Variants in SEMA6D observed in about 807,000 individuals in gnomAD.
SEMA6D encodes the protein semaphorin 6D.
A neutral mutation model predicts 106.6 loss-of-function variants in SEMA6D; 35 were observed. The observed-to-expected ratio is 0.33, with a 90% CI of 0.25 to 0.44. The LOEUF is 0.44. SEMA6D is among the 20% of genes least tolerant of loss of function. SEMA6D has a pLI of 1.00. For synonymous variants in SEMA6D, 499 were observed against 487.7 expected, an observed-to-expected ratio of 1.02 and a Z score of -0.31; for missense variants, 1,185 against 1,345.9, an observed-to-expected ratio of 0.88 and a Z score of 1.87.
At chr15:47,349,377 C>T (rs528900535) in intron 1 of SEMA6D, among the ~76,000 whole-genome samples, 3 of 152,158 alleles carry the variant, frequency 2.0e-5, no homozygotes, top group African/African-American at 7.2e-5. Flanking sequence ...GTTCGTCCTT[C>T]ATGACTCTAC....
chr15:47,333,623 T>C (rs1020307945), intron 1 of SEMA6D, among the ~76,000 whole-genome samples: 6 of 152,142 alleles, frequency 3.9e-5, no homozygotes, highest in African/African-American at 1.4e-4. Context: ...ACTCAGTCAG[T>C]CAGCAAAGAT....
chr15:47,198,125 G>A (rs1354031852), intron 1 of SEMA6D, among the ~76,000 whole-genome samples: 1 of 152,072 alleles, frequency 6.6e-6, no homozygotes, highest in African/African-American at 2.4e-5. Context: ...CTCACACGTG[G>A]AATGTAAAAA....
chr15:47,291,242 C>T (rs7170315), intron 1 of SEMA6D, among the ~76,000 whole-genome samples: 63,136 of 152,112 alleles, frequency 0.42, 16,147 homozygotes, highest in Non-Finnish European at 0.57. Context: ...AAAAAGGTCT[C>T]CTTTTCAATA....
chr15:47,622,393 C>T (rs1028129797), intron 4 of SEMA6D, among the ~76,000 whole-genome samples: 2 of 152,086 alleles, frequency 1.3e-5, no homozygotes, highest in Admixed American at 1.3e-4. Context: ...AGCATGGAAC[C>T]GGAGTATGCT....
intron 2 of SEMA6D, among the ~76,000 whole-genome samples, chr15:47,418,359 C>T (rs116591771): frequency 6.6e-6 from 1 of 152,110 alleles, no homozygotes; most frequent in Non-Finnish European, 1.5e-5. Flanking sequence ...TGCTGCTATA[C>T]TGGGTGGCTT....
intron 4 of SEMA6D, among the ~76,000 whole-genome samples, chr15:47,687,921 G>T (rs1032609949): frequency 3.9e-5 from 6 of 152,090 alleles, no homozygotes; most frequent in African/African-American, 1.4e-4. Flanking sequence ...GAAAATAAGG[G>T]CTAAAATTTA....
At chr15:47,466,619 G>A (rs2042667398) in intron 2 of SEMA6D, among the ~76,000 whole-genome samples, 1 of 152,006 alleles carries the variant, frequency 6.6e-6, no homozygotes, top group Non-Finnish European at 1.5e-5. Context: ...CAAGAATGTG[G>A]GAGTGCACAT....
At chr15:47,682,176 T>A (rs1489420846) in intron 4 of SEMA6D, among the ~76,000 whole-genome samples, 1 of 152,062 alleles carries the variant, frequency 6.6e-6, no homozygotes, top group Non-Finnish European at 1.5e-5. Context: ...GCCACTTTTT[T>A]TTTTTTTTTG....
intron 1 of SEMA6D, among the ~76,000 whole-genome samples, chr15:47,189,695 TTAATGTTAAAATAG>T (rs1893831226): frequency 2.0e-5 from 3 of 152,204 alleles, no homozygotes; most frequent in African/African-American, 7.2e-5. Flanking sequence ...TTGATTACAG[TTAATGTTAAAATAG>T]CTTCAAGTCT....
At chr15:47,327,430 C>T (rs1439121787) in intron 1 of SEMA6D, among the ~76,000 whole-genome samples, 4 of 152,132 alleles carry the variant, frequency 2.6e-5, no homozygotes, top group East Asian at 3.8e-4. Flanking sequence ...CCCTTAGTCA[C>T]ATTTCAATGT....
intron 3 of SEMA6D, among the ~76,000 whole-genome samples, chr15:47,570,924 A>G (rs893919988): frequency 6.6e-6 from 1 of 152,220 alleles, no homozygotes; most frequent in African/African-American, 2.4e-5. Context: ...AGATAATCTG[A>G]AAAGAGGTGC....
At chr15:47,249,017 CAG>C (rs564493329) in intron 1 of SEMA6D, among the ~76,000 whole-genome samples, 145 of 152,200 alleles carry the variant, frequency 9.5e-4, no homozygotes, top group Non-Finnish European at 1.8e-3. Context: ...CACCTGAGGT[CAG>C]GGGTTAAAGA....
At chr15:47,632,433 T>G (rs2077309538) in intron 4 of SEMA6D, among the ~76,000 whole-genome samples, 2 of 148,884 alleles carry the variant, frequency 1.3e-5, no homozygotes, top group African/African-American at 2.4e-5. Context: ...GTGCATTTGT[T>G]TATTTCTCCT....
chr15:47,703,057 C>G (rs1043457270), intron 4 of SEMA6D, among the ~76,000 whole-genome samples: 2 of 152,074 alleles, frequency 1.3e-5, no homozygotes, highest in Non-Finnish European at 2.9e-5. Context: ...GTACATAGCT[C>G]TATGTGAAAA....
At chr15:47,711,226 C>G (rs572386485) in intron 4 of SEMA6D, among the ~76,000 whole-genome samples, 11 of 140,024 alleles carry the variant, frequency 7.9e-5, no homozygotes, top group Non-Finnish European at 1.5e-4. Flanking sequence ...AGGAGAATGG[C>G]GTGAACCCGG....
At chr15:47,669,999 T>A (rs1566974044) in intron 4 of SEMA6D, among the ~76,000 whole-genome samples, 1 of 152,228 alleles carries the variant, frequency 6.6e-6, no homozygotes, top group Non-Finnish European at 1.5e-5. Context: ...ATCAAGTTCT[T>A]TCTGTCATTC....
chr15:47,441,267 A>T (rs941762969), intron 2 of SEMA6D, among the ~76,000 whole-genome samples: 5 of 152,204 alleles, frequency 3.3e-5, no homozygotes, highest in African/African-American at 9.6e-5. Context: ...CTTGTCATTG[A>T]CATTTAATGA....
At chr15:47,321,161 C>G (rs930657867) in intron 1 of SEMA6D, among the ~76,000 whole-genome samples, 1 of 152,104 alleles carries the variant, frequency 6.6e-6, no homozygotes, top group African/African-American at 2.4e-5. Context: ...CTGGTTTCAT[C>G]CACTTGGTTC....
chr15:47,572,661 C>T (rs767852601), intron 3 of SEMA6D, among the ~76,000 whole-genome samples: 14 of 152,172 alleles, frequency 9.2e-5, no homozygotes, highest in Non-Finnish European at 1.5e-4. Flanking sequence ...TACACGCAAA[C>T]ACACAAACAC....
Sources: gnomAD v4.1 joint callset for allele counts (sites outside exome capture counted in the v4.1 genomes callset) on GRCh38, gnomAD v4.1.1 for gene constraint, MANE v1.5 for transcripts, NCBI Gene and HGNC (gene_info 2026-07-23, HGNC 2026-07-21) for gene names.